Variants in ACTL6B observed in about 807,000 individuals in gnomAD.
The protein encoded by ACTL6B is actin-like protein 6B.
Under a neutral mutation model 63.3 loss-of-function variants are expected in ACTL6B, and 48 were observed. The observed-to-expected ratio is 0.76, with a 90% confidence interval of 0.60 to 0.96. ACTL6B has a LOEUF of 0.96. Among genes scored for constraint, ACTL6B ranks in the 50% least tolerant of loss-of-function variants. The pLI is 0.00. For missense variants in ACTL6B, 350 were observed against 572.2 expected, an observed-to-expected ratio of 0.61 and a Z score of 3.96; for synonymous variants, 230 against 223.8, an observed-to-expected ratio of 1.03 and a Z score of -0.25.
Position 100,647,153 on chromosome 7 carries a change from G to A in ACTL6B, c.822-68C>T, listed in dbSNP as rs1803839517. 2 of 1,605,584 alleles carry A rather than the reference G, an allele frequency of 1.2e-6. No homozygotes were observed. The highest frequency in any genetic ancestry group is 1.7e-4 in the Middle Eastern group (1 of 6,050). ...GGATCAGTGCGTGGGCAGCACCAGA[G>A]CCCCCCAGCCCACCCCAAGAGTGCC... On this transcript the variant is annotated intron_variant, in intron 9 of 13. Coordinates refer to ENST00000160382, the MANE Select transcript of ACTL6B (RefSeq NM_016188.5). This position sits in a 1 kb window ranked among gnomAD's most constrained non-coding sequence, Gnocchi z 4.4.
chr7:100,648,870 G>T lies in ACTL6B; in HGVS notation c.468-47C>A, dbSNP rs1371049541. 1 of 1,569,940 alleles carries T rather than the reference G, an allele frequency of 6.4e-7. No homozygotes were observed. The highest frequency in any genetic ancestry group is 1.1e-5 in the South Asian group (1 of 86,998). On this transcript the variant is annotated intron_variant, in intron 5 of 13. Coordinates refer to ENST00000160382, the MANE Select transcript of ACTL6B (RefSeq NM_016188.5). This position sits in a 1 kb window ranked among gnomAD's most constrained non-coding sequence, Gnocchi z 4.4. The stretch of plus-strand genomic sequence containing the variant: ...AAAGAGACAGCAGCAGCAAGTGAGG[G>T]GCCTGGGCCCAGATCTTGTCTGGTC...
rs756801418 is a variant in ACTL6B, at chr7:100,647,311, G to A, written c.760-27C>T. 6.2e-7 allele frequency: 1 copy of A among 1,612,560 alleles called. No individual in the cohort carries two copies. The highest frequency in any genetic ancestry group is 1.1e-5 in the South Asian group (1 of 91,060). ...TGAAATCCCAGCGGAGGTGGTGAGG[G>A]CCTGCCTTCCCCGTGAGCAGCACCC... is the stretch of plus-strand genomic sequence containing the variant. On this transcript the variant is annotated intron_variant, in intron 8 of 13. Coordinates refer to ENST00000160382, the MANE Select transcript of ACTL6B (RefSeq NM_016188.5). This position sits in a 1 kb window ranked among gnomAD's most constrained non-coding sequence, Gnocchi z 4.4.
chr7:100,643,215 C>A lies in ACTL6B; in HGVS notation c.*31G>T. ...GGGGGTTAAGGGACTTCCATCTGAGCTTGGGAGCAGGTGTGTGGGGAGGAG... is the reference window on the plus strand; with the variant it reads ...GGGGGTTAAGGGACTTCCATCTGAGATTGGGAGCAGGTGTGTGGGGAGGAG... On this transcript the variant is annotated 3_prime_UTR_variant, in exon 14 of 14. Coordinates refer to ENST00000160382, the MANE Select transcript of ACTL6B (RefSeq NM_016188.5). 6.2e-7 allele frequency: 1 copy of A among 1,610,728 alleles called. No homozygotes were observed. Among genetic ancestry groups the A allele is most frequent in the Non-Finnish European group, 8.5e-7 (1 of 1,177,278 alleles).
At position 100,655,295 on chromosome 7, in the gene ACTL6B, A is replaced by G. The variant is rs2231172; in HGVS notation, c.268+126T>C. 248,766 of 1,294,136 alleles carry G rather than the reference A, an allele frequency of 0.19. 25,554 individuals are homozygous for G. The highest frequency in any genetic ancestry group is 0.21 in the Non-Finnish European group (193,405 of 931,932). 80.2% of individuals were successfully genotyped at this position (1,294,136 alleles called of 1,614,324 possible). A position where few individuals can be genotyped will look rare whatever the true frequency, so the allele number is the denominator to read the frequency against. ...CTGGGAAGGGAACCCAGCGAGAAGAACCCTGGCAGCCAGAAGAACCCTGGG... is the reference window on the plus strand; with the variant it reads ...CTGGGAAGGGAACCCAGCGAGAAGAGCCCTGGCAGCCAGAAGAACCCTGGG... On this transcript the variant is annotated intron_variant, in intron 3 of 13. Transcript: ENST00000160382. The surrounding 1 kb of genome is among the most constrained non-coding windows in gnomAD (Gnocchi z 4.4).
In ACTL6B at chr7:100,651,482, G is replaced by A. The variant is rs1471585937; in HGVS notation, c.370-1347C>T. Among the ~76,000 whole-genome samples, 10 of 151,702 alleles carry A rather than the reference G, an allele frequency of 6.6e-5. No homozygotes were observed. The East Asian group carries it at 7.8e-4, about 12-fold the overall frequency. ...AGGAGAATCCTTGAACCCGGGAAGC[G>A]GAGGTTGCAGTGAGCCAAGATCACG... is the stretch of plus-strand genomic sequence containing the variant. On this transcript the variant is annotated intron_variant, in intron 4 of 13. Transcript: ENST00000160382.
Position 100,646,570 on chromosome 7 carries a change from A to G in ACTL6B, c.1094T>C (p.Leu365Pro), listed in dbSNP as rs1410771969. 1.2e-6 allele frequency: 2 copies of G among 1,613,842 alleles called. No homozygotes were observed. Among genetic ancestry groups the G allele is most frequent in the African/African-American group, 2.7e-5 (2 of 74,858 alleles). ...QGFTDRLNRE[L>P]SQKTPPSMRL... ...TCCTACCGGTGGGGTCTTCTGGGAA[A>G]GCTCTCGATTGAGCCTGTCAGTGAA... The change falls in exon 12 of 14, where the codon CTT (leucine) becomes CCT (proline). Residue 365 changes from leucine to proline, a missense_variant. By Grantham distance (98) the Leu-to-Pro change is moderately conservative. Around this residue, in one of 3 missense-constraint regions of ACTL6B, gnomAD observed 76 missense variants for 126.1 expected, o/e 0.60. Transcript: ENST00000160382. The surrounding 1 kb of genome is among the most constrained non-coding windows in gnomAD (Gnocchi z 6.1).
Position 100,655,739 on chromosome 7 carries a change from C to T in ACTL6B, c.102+64G>A. On this transcript the variant is annotated intron_variant, in intron 2 of 13. Transcript: ENST00000160382. This position sits in a 1 kb window ranked among gnomAD's most constrained non-coding sequence, Gnocchi z 4.4. The stretch of plus-strand genomic sequence containing the variant: ...TGGGCGATCTGGGAGAGCCCTGGGT[C>T]ACTGGAAAGCCTGAAGAAGGGTCCG... 2 of 1,533,472 alleles carry T rather than the reference C, an allele frequency of 1.3e-6. No individual in the cohort carries two copies. The highest frequency in any genetic ancestry group is 1.4e-5 in the African/African-American group (1 of 72,312). The allele number at this position is 1,533,472 out of a possible 1,614,324, so 95.0% of individuals were successfully genotyped here.
intron 13 of ACTL6B, among the ~76,000 whole-genome samples, 189 bp from the exon 14 acceptor site, chr7:100,643,515 C>T (rs1584466306): frequency 1.3e-5 from 2 of 152,294 alleles, no homozygotes; most frequent in South Asian, 2.1e-4. Flanking sequence ...AGAGTATCCT[C>T]TTCATATCAT....
Position 100,648,652 on chromosome 7 carries a change from C to T in ACTL6B, c.573G>A (p.Lys191=), listed in dbSNP as rs554651025. The T allele has an allele frequency of 5.0e-6, 8 of 1,612,454 alleles. No individual in the cohort carries two copies. The Admixed American group carries it at 1.2e-4, about 24-fold the overall frequency. Residue 191 remains lysine (K), a synonymous_variant, in exon 7 of 14, where the codon AAG becomes AAA. Transcript: ENST00000160382. The surrounding 1 kb of genome is among the most constrained non-coding windows in gnomAD (Gnocchi z 4.4). The part of the protein sequence containing the change: ...DGYVLQQGIV[K]SPLAGDFISM... ...AGATGAAGTCCCCTGCCAGAGGGGA[C>T]TTGACGATGCCTAGAAGGAAGGCAC...
Position 100,643,186 on chromosome 7 carries a change from G to C in ACTL6B, c.*60C>G. On this transcript the variant is annotated 3_prime_UTR_variant, in exon 14 of 14. Coordinates refer to ENST00000160382, the MANE Select transcript of ACTL6B (RefSeq NM_016188.5). ...GGGAAAGGAGGAGGGGGGCAATGTG[G>C]CATGGGGGTTAAGGGACTTCCATCT... The C allele has an allele frequency of 6.7e-7, 1 of 1,482,802 alleles. No homozygotes were observed. The highest frequency in any genetic ancestry group is 9.4e-7 in the Non-Finnish European group (1 of 1,062,200). 91.9% of individuals were successfully genotyped at this position (1,482,802 alleles called of 1,614,324 possible). A position where few individuals can be genotyped will look rare whatever the true frequency, so the allele number is the denominator to read the frequency against.
chr7:100,646,707 C>T lies in ACTL6B; in HGVS notation c.1017+44G>A, dbSNP rs1388606823. 5 of 1,611,300 alleles carry T rather than the reference C, an allele frequency of 3.1e-6. 1 individual carries two copies. The highest frequency in any genetic ancestry group is 1.1e-5 in the South Asian group (1 of 91,036). ...GCCCCCCAACCCCGTCTCCCCACTT[C>T]CCCTGGGCCCCTTTGCCGAGCCTCA... On this transcript the variant is annotated intron_variant, in intron 11 of 13. Coordinates refer to ENST00000160382, the MANE Select transcript of ACTL6B (RefSeq NM_016188.5). This position sits in a 1 kb window ranked among gnomAD's most constrained non-coding sequence, Gnocchi z 6.1.
chr7:100,649,983 C>A, intron 5 of ACTL6B, 55 bp downstream of exon 5: 4 of 1,533,740 alleles, frequency 2.6e-6, no homozygotes, highest in Non-Finnish European at 2.7e-6. Flanking sequence ...CTGAGCTCAG[C>A]ACAGGCCCCA....
In ACTL6B at chr7:100,645,242, T is replaced by G. The variant is rs149950367; in HGVS notation, c.1200+1007A>C. ...CCCACTGTCCCCTCTGTGTGACTGA[T>G]ACCCTCCAGATGCGGGTTGCAACTC... On this transcript the variant is annotated intron_variant, in intron 13 of 13. Coordinates refer to ENST00000160382, the MANE Select transcript of ACTL6B (RefSeq NM_016188.5). Among the ~76,000 whole-genome samples the G allele has an allele frequency of 3.4e-3, 523 of 152,140 alleles. 3 individuals are homozygous for G. The highest frequency in any genetic ancestry group is 0.012 in the African/African-American group (488 of 41,498).
chr7:100,651,444 G>A (rs546965091), intron 4 of ACTL6B, among the ~76,000 whole-genome samples: 135 of 151,850 alleles, frequency 8.9e-4, no homozygotes, highest in African/African-American at 2.9e-3. Flanking sequence ...CCAGCTACTT[G>A]GGATGCTGAG....
In ACTL6B at chr7:100,647,165, A is replaced by AC; in HGVS notation, c.821+57dup. 1 of 726,894 alleles carries AC rather than the reference A, an allele frequency of 1.4e-6. No individual in the cohort carries two copies. The highest frequency in any genetic ancestry group is 2.2e-6 in the Non-Finnish European group (1 of 456,624). The allele number at this position is 726,894 out of a possible 1,614,324, so 45.0% of individuals were successfully genotyped here. ...GGGCAGCACCAGAGCCCCCCAGCCCACCCCAAGAGTGCCGGTTCTGCCCTC... is the reference window on the plus strand; with the variant it reads ...GGGCAGCACCAGAGCCCCCCAGCCCACCCCCAAGAGTGCCGGTTCTGCCCTC... On this transcript the variant is annotated intron_variant, in intron 9 of 13. Coordinates refer to ENST00000160382, the MANE Select transcript of ACTL6B (RefSeq NM_016188.5). This position sits in a 1 kb window ranked among gnomAD's most constrained non-coding sequence, Gnocchi z 4.4.
At position 100,649,892 on chromosome 7, in the gene ACTL6B, A is replaced by G. The variant is rs1205743349; in HGVS notation, c.467+146T>C. The G allele has an allele frequency of 8.8e-6, 6 of 683,204 alleles. No homozygotes were observed. In the East Asian group the frequency reaches 1.7e-4, roughly 20 times the overall value. The allele number at this position is 683,204 out of a possible 1,614,324, so 42.3% of individuals were successfully genotyped here. On this transcript the variant is annotated intron_variant, in intron 5 of 13. Coordinates refer to ENST00000160382, the MANE Select transcript of ACTL6B (RefSeq NM_016188.5). Reference sequence around the variant, plus strand: ...GTGCTCAGTCCACTGGGCCTTCTGCACTAGTGGGGCAGAGGGAGGTGTCTG... The same window carrying G: ...GTGCTCAGTCCACTGGGCCTTCTGCGCTAGTGGGGCAGAGGGAGGTGTCTG...
chr7:100,643,723 AC>A (rs1803766395), intron 13 of ACTL6B, among the ~76,000 whole-genome samples: 1 of 151,800 alleles, frequency 6.6e-6, no homozygotes, highest in South Asian at 2.1e-4. Context: ...GCTTTGGAAC[AC>A]CGCCAGTCTC....
chr7:100,654,971 G>A (rs1213301386), intron 4 of ACTL6B, 48 bp downstream of exon 4: 2 of 1,485,910 alleles, frequency 1.3e-6, no homozygotes, highest in Non-Finnish European at 9.4e-7. Context: ...GTGGGAAGGA[G>A]GTGCAGTGGA....
chr7:100,646,407 G>A lies in ACTL6B; in HGVS notation c.1114-72C>T. ...AAGGGACAGGGCTTGGGGGAGAGGG[G>A]AAGACTTGGGAAGCCACAGGGGCAG... is the stretch of plus-strand genomic sequence containing the variant. On this transcript the variant is annotated intron_variant, in intron 12 of 13. Coordinates refer to ENST00000160382, the MANE Select transcript of ACTL6B (RefSeq NM_016188.5). This position sits in a 1 kb window ranked among gnomAD's most constrained non-coding sequence, Gnocchi z 6.1. 2 of 1,564,440 alleles carry A rather than the reference G, an allele frequency of 1.3e-6. No individual in the cohort carries two copies. The highest frequency in any genetic ancestry group is 1.8e-6 in the Non-Finnish European group (2 of 1,141,888).
Sources: gnomAD v4.1 joint callset for allele counts (sites outside exome capture counted in the v4.1 genomes callset) on GRCh38, gnomAD v4.1.1 for gene constraint, gnomAD v4.1.1 regional missense constraint, Gnocchi (gnomAD v3.1) non-coding constraint, MANE v1.5 for transcripts, NCBI Gene and HGNC (gene_info 2026-07-23, HGNC 2026-07-21) for gene names.